The following EFCAB8 variants were observed in gnomAD, a reference collection of about 807,000 sequenced individuals.
EFCAB8 encodes the protein EF-hand calcium-binding domain-containing protein 8.
EFCAB8 carries 100 observed loss-of-function variants against 116.3 expected under a neutral mutation model. The observed-to-expected ratio is 0.86, with a 90% CI of 0.73 to 1.02. The LOEUF (loss-of-function observed/expected upper bound fraction) is 1.02, where lower values mean the gene tolerates loss of function less well. Ranked by LOEUF, EFCAB8 falls within the 50% of genes least tolerant of loss-of-function variation. EFCAB8 has a pLI of 0.00. For synonymous variants in EFCAB8, 558 were observed against 567.9 expected (o/e 0.98, Z 0.25); for missense variants, 1,320 against 1,416.9 (o/e 0.93, Z 1.10).
chr20:32,877,207 CTTT>C (rs757130907), intron 4 of EFCAB8, among the ~76,000 whole-genome samples: 5 of 115,048 alleles, frequency 4.3e-5, no homozygotes, highest in East Asian at 2.2e-4. Flanking sequence ...TTATTTCTTT[CTTT>C]TTTTTTTTTT....
At chr20:32,893,883 CATA>C (rs1242187494) in intron 9 of EFCAB8, among the ~76,000 whole-genome samples, 2 of 152,150 alleles carry the variant, frequency 1.3e-5, no homozygotes, top group African/African-American at 4.8e-5. Flanking sequence ...TGCTGCAGCC[CATA>C]ATAAGAGGCA....
intron 17 of EFCAB8, among the ~76,000 whole-genome samples, chr20:32,916,412 T>C (rs1183478062): frequency 6.6e-6 from 1 of 152,182 alleles, no homozygotes; most frequent in African/African-American, 2.4e-5. Flanking sequence ...TGTGTGTCAC[T>C]ATGCCTGGCT....
At chr20:32,873,296 G>A (rs1310101308) in intron 3 of EFCAB8, among the ~76,000 whole-genome samples, 2 of 151,680 alleles carry the variant, frequency 1.3e-5, no homozygotes, top group Admixed American at 1.3e-4. Context: ...GGCCAGGATG[G>A]TCTCCATCTC....
At chr20:32,906,495 C>G in intron 11 of EFCAB8, 67 bp from the exon 12 acceptor site, 3 of 715,342 alleles carry the variant, frequency 4.2e-6, no homozygotes, top group Non-Finnish European at 7.8e-6. Flanking sequence ...ACCCCAGGCT[C>G]AGTCTCAGAC....
intron 20 of EFCAB8, among the ~76,000 whole-genome samples, chr20:32,926,980 T>C (rs1987699886): frequency 1.3e-5 from 2 of 151,966 alleles, no homozygotes; most frequent in Admixed American, 1.3e-4. Flanking sequence ...TACGTGTGCA[T>C]GTGTCTTTAT....
intron 1 of EFCAB8, among the ~76,000 whole-genome samples, chr20:32,861,022 C>CCA (rs1984087178): frequency 6.6e-6 from 1 of 152,048 alleles, no homozygotes; most frequent in South Asian, 2.1e-4. Context: ...CAGGTATGAG[C>CCA]CACTGTGCCT....
chr20:32,949,622 A>C (rs1210241172), intron 23 of EFCAB8, among the ~76,000 whole-genome samples: 2 of 152,234 alleles, frequency 1.3e-5, no homozygotes, highest in Non-Finnish European at 2.9e-5. Context: ...TGTTTCTGAC[A>C]AAAGTGCAAA....
rs555293676 is a variant in EFCAB8, at chr20:32,906,960, A to C, written c.1274A>C (p.Asn425Thr). 1.9e-6 allele frequency: 3 copies of C among 1,538,988 alleles called. No individual in the cohort carries two copies. Among genetic ancestry groups the C allele is most frequent in the African/African-American group, 2.7e-5 (2 of 72,844 alleles). ...SVTHILVDSR[N>T]NSILISVSKD... ...ACGCACATCCTTGTGGATAGCAGGA[A>C]CAACAGCATCCTCATCAGTGTCTCC... The change falls in exon 13 of 27, where the codon AAC becomes ACC. Residue 425 changes from asparagine to threonine, a missense_variant. By Grantham distance (65) the Asn-to-Thr change is moderately conservative. Transcript: ENST00000400522.
chr20:32,904,193 G>A (rs1986564818), intron 11 of EFCAB8, among the ~76,000 whole-genome samples: 1 of 151,494 alleles, frequency 6.6e-6, no homozygotes, highest in African/African-American at 2.4e-5. Flanking sequence ...GGATCTTGCT[G>A]TGTTGCCCAG....
chr20:32,878,688 C>G lies in EFCAB8; in HGVS notation c.328-16C>G, dbSNP rs770986165. On this transcript the variant is annotated splice_polypyrimidine_tract_variant and intron_variant, in intron 4 of 26. Coordinates refer to ENST00000400522, the MANE Select transcript of EFCAB8 (RefSeq NM_001143967.2). ...TTGCCAATACCCTGCCTCCCTTGTG[C>G]TTTCTTTCGAGGCAGCAAAAGTATG... The G allele has an allele frequency of 9.0e-6, 14 of 1,549,262 alleles. No homozygotes were observed. In the East Asian group the frequency reaches 1.7e-4, roughly 19 times the overall value.
intron 17 of EFCAB8, chr20:32,917,014 C>A (rs375245135): frequency 8.2e-6 from 3 of 364,442 alleles, no homozygotes; most frequent in Admixed American, 8.8e-5. Context: ...TGTCCCCCCC[C>A]CTTTAAACCT....
rs972206520 is a variant in EFCAB8 at position 32,918,510 on chromosome 20, T to G, written c.2210T>G (p.Val737Gly). The change falls in exon 19 of 27, where the codon GTG becomes GGG. Residue 737 changes from valine (V) to glycine (G), a missense_variant. Transcript: ENST00000400522. ...VANTNLRRSL[V>G]SAPPVMRCPR... ...AATACCAACCTGAGGCGGAGCCTGG[T>G]GTCGGCTCCCCCAGTGATGCGGTGC... is the stretch of plus-strand genomic sequence containing the variant. The G allele has an allele frequency of 6.4e-7, 1 of 1,551,708 alleles. No individual in the cohort carries two copies. Among genetic ancestry groups the G allele is most frequent in the South Asian group, 1.2e-5 (1 of 84,062 alleles).
At chr20:32,864,192 G>A (rs1984270198) in intron 2 of EFCAB8, among the ~76,000 whole-genome samples, 1 of 151,798 alleles carries the variant, frequency 6.6e-6, no homozygotes, top group Admixed American at 6.5e-5. Context: ...GGCCAGGCTG[G>A]TCTCAAACTC....
intron 5 of EFCAB8, among the ~76,000 whole-genome samples, chr20:32,884,117 A>G (rs951125606): frequency 2.6e-5 from 4 of 152,166 alleles, no homozygotes; most frequent in African/African-American, 9.7e-5. Flanking sequence ...GCTTGTTCCT[A>G]TATTCTCCTA....
In EFCAB8 at chr20:32,961,206, C is replaced by G; in HGVS notation, c.3464C>G (p.Thr1155Ser). 1 of 1,552,132 alleles carries G rather than the reference C, an allele frequency of 6.4e-7. No homozygotes were observed. Among genetic ancestry groups the G allele is most frequent in the African/African-American group, 1.4e-5 (1 of 73,176 alleles). The change falls in exon 27 of 27, where the codon ACC becomes AGC. Residue 1155 changes from threonine (T) to serine (S), a missense_variant. Thr to Ser is a moderately conservative substitution (Grantham distance 58, BLOSUM62 1). Transcript: ENST00000400522. The part of the protein sequence containing the change: ...LMPTQQPDFL[T>S]SRGPDQQDQH... Reference sequence around the variant, plus strand: ...CCGACTCAGCAGCCTGACTTCCTGACCAGCAGGGGCCCAGACCAGCAAGAC... The same window carrying G: ...CCGACTCAGCAGCCTGACTTCCTGAGCAGCAGGGGCCCAGACCAGCAAGAC...
intron 4 of EFCAB8, 44 bp downstream of exon 4, chr20:32,876,088 G>GGA (rs778446887): frequency 1.3e-6 from 2 of 1,500,602 alleles, no homozygotes; most frequent in South Asian, 2.4e-5. Context: ...GAGGGAGGCT[G>GGA]GAGGGTCCAG....
At chr20:32,870,195 C>T (rs1318731968) in intron 3 of EFCAB8, among the ~76,000 whole-genome samples, 1 of 152,166 alleles carries the variant, frequency 6.6e-6, no homozygotes, top group Admixed American at 6.5e-5. Context: ...TGTGTCTGGT[C>T]TGAAGATAGG....
chr20:32,923,750 A>T (rs1358353039), intron 20 of EFCAB8, among the ~76,000 whole-genome samples: 2 of 152,154 alleles, frequency 1.3e-5, no homozygotes, highest in Non-Finnish European at 2.9e-5. Context: ...CCTCACGGGC[A>T]TCTCTTCATG....
chr20:32,891,309 C>T (rs1985901032), intron 7 of EFCAB8, among the ~76,000 whole-genome samples: 1 of 152,048 alleles, frequency 6.6e-6, no homozygotes, highest in African/African-American at 2.4e-5. Flanking sequence ...ATGGGCTGGA[C>T]CTGGTCTGCT....
Sources: gnomAD v4.1 joint callset for allele counts (sites outside exome capture counted in the v4.1 genomes callset) on GRCh38, gnomAD v4.1.1 for gene constraint, MANE v1.5 for transcripts, NCBI Gene and HGNC (gene_info 2026-07-23, HGNC 2026-07-21) for gene names.